Variants in CUBN observed in about 807,000 individuals in gnomAD.
CUBN encodes 460 kDa receptor.
CUBN carries 282 observed loss-of-function variants against 405.3 expected under a neutral mutation model. That is an observed-to-expected ratio of 0.70 (90% CI 0.63 to 0.77). CUBN has a LOEUF of 0.77. CUBN is among the 30% of genes least tolerant of loss of function. The pLI is 0.00. For synonymous variants in CUBN, 1,684 were observed against 1,617.0 expected (o/e 1.04, Z -0.99); for missense variants, 4,514 against 4,475.2 (o/e 1.01, Z -0.25).
chr10:16,910,037 A>G (rs1291657318), intron 48 of CUBN, among the ~76,000 whole-genome samples: 2 of 148,870 alleles, frequency 1.3e-5, no homozygotes, highest in African/African-American at 2.5e-5. Context: ...TTTCTTCTTC[A>G]CTCTTTTCTT....
chr10:17,110,786 G>T (rs1039184998), intron 9 of CUBN, 133 bp downstream of exon 9: 1 of 1,343,330 alleles, frequency 7.4e-7, no homozygotes, highest in Non-Finnish European at 1.1e-6. Context: ...GCCTCCCAAA[G>T]TGCTGGGATT....
intron 45 of CUBN, 125 bp from the exon 46 acceptor site, chr10:16,916,155 C>T: frequency 1.2e-6 from 1 of 837,850 alleles, no homozygotes; most frequent in Non-Finnish European, 1.9e-6. Context: ...CCAAGTGACT[C>T]TGAATTGAAG....
Position 17,129,209 on chromosome 10 carries a change from G to A in CUBN, c.164C>T (p.Thr55Met), listed in dbSNP as rs774556167. Residue 55 changes from threonine (T) to methionine (M), a missense_variant, in exon 2 of 67, where the codon ACG becomes ATG. Thr to Met is a moderately conservative substitution (Grantham distance 81). Around this residue, in one of 5 missense-constraint regions of CUBN, gnomAD observed 1,448 missense variants for 1,388.0 expected, o/e 1.04. Coordinates refer to ENST00000377833, the MANE Select transcript of CUBN (RefSeq NM_001081.4). ...ATERGNLVFLTGSAQNIEFRT... is the reference protein window; with the variant it reads ...ATERGNLVFLMGSAQNIEFRT... ...AAACTCAATGTTTTGAGCAGACCCC[G>A]TAAGAAACACCAAATTTCCTCTCTC... 29 of 1,613,422 alleles carry A rather than the reference G, an allele frequency of 1.8e-5. No individual in the cohort carries two copies. The highest frequency in any genetic ancestry group is 1.6e-4 in the Middle Eastern group (1 of 6,084).
At chr10:16,932,154 T>C (rs1261712315) in intron 40 of CUBN, among the ~76,000 whole-genome samples, 7 of 152,182 alleles carry the variant, frequency 4.6e-5, no homozygotes, top group Non-Finnish European at 8.8e-5. Flanking sequence ...CTCTACTTAG[T>C]GTTCTGCCTC....
At chr10:16,856,010 C>A (rs927598546) in intron 59 of CUBN, among the ~76,000 whole-genome samples, 1 of 152,034 alleles carries the variant, frequency 6.6e-6, no homozygotes, top group Non-Finnish European at 1.5e-5. Flanking sequence ...GGGTTCTTTC[C>A]CAAAAGGAGC....
At position 16,875,822 on chromosome 10, in the gene CUBN, G is replaced by T. The variant is rs940321006; in HGVS notation, c.9106+1075C>A. 2.0e-5 allele frequency among the ~76,000 whole-genome samples: 3 copies of T among 152,352 alleles called. No homozygotes were observed. In the East Asian group the frequency reaches 5.8e-4, roughly 29 times the overall value. The stretch of plus-strand genomic sequence containing the variant: ...TTGTAGGAAAATGAGAGATTAAAGA[G>T]AAGAAGAATATAAAGCAGGAGTTTA... On this transcript the variant is annotated intron_variant, in intron 57 of 66. Coordinates refer to ENST00000377833, the MANE Select transcript of CUBN (RefSeq NM_001081.4).
intron 65 of CUBN, among the ~76,000 whole-genome samples, chr10:16,829,386 A>C (rs2131300851): frequency 6.6e-6 from 1 of 151,418 alleles, no homozygotes; most frequent in African/African-American, 2.4e-5. Context: ...CTGTGGGAGA[A>C]AATCAAGTTG....
At chr10:16,986,428 T>C (rs1833427761) in intron 29 of CUBN, among the ~76,000 whole-genome samples, 1 of 152,066 alleles carries the variant, frequency 6.6e-6, no homozygotes, top group South Asian at 2.1e-4. Flanking sequence ...GGGAGGAGTG[T>C]GTGATTTGAA....
intron 22 of CUBN, among the ~76,000 whole-genome samples, chr10:17,050,213 A>T (rs1429737163): frequency 6.6e-6 from 1 of 152,046 alleles, no homozygotes; most frequent in African/African-American, 2.4e-5. Context: ...TTTTAATTCC[A>T]GCTATGACAA....
At chr10:17,028,967 A>G (rs1325020126) in intron 27 of CUBN, among the ~76,000 whole-genome samples, 1 of 152,218 alleles carries the variant, frequency 6.6e-6, no homozygotes, top group African/African-American at 2.4e-5. Context: ...TGATAGTGGA[A>G]GAGACCTTTC....
At chr10:16,970,190 C>T (rs185886619) in intron 31 of CUBN, among the ~76,000 whole-genome samples, 1 of 152,358 alleles carries the variant, frequency 6.6e-6, no homozygotes, top group East Asian at 1.9e-4. Flanking sequence ...GACTTCAAAG[C>T]AAGGACACTT....
At chr10:16,902,245 T>C (rs986224359) in intron 51 of CUBN, among the ~76,000 whole-genome samples, 2 of 138,266 alleles carry the variant, frequency 1.4e-5, no homozygotes, top group Non-Finnish European at 3.1e-5. Context: ...ATACTATATA[T>C]ATTTGTATAT....
chr10:16,843,760 C>T (rs907944321), intron 60 of CUBN, among the ~76,000 whole-genome samples: 1 of 152,144 alleles, frequency 6.6e-6, no homozygotes, highest in Admixed American at 6.5e-5. Flanking sequence ...AAGACCCCTT[C>T]ATGAACAAAG....
At position 17,091,685 on chromosome 10, in the gene CUBN, G is replaced by T. The variant is rs561267963; in HGVS notation, c.1766-3340C>A. 1.4e-4 allele frequency among the ~76,000 whole-genome samples: 21 copies of T among 152,200 alleles called. No individual in the cohort carries two copies. In the East Asian group the frequency reaches 4.1e-3, roughly 29 times the overall value. On this transcript the variant is annotated intron_variant, in intron 14 of 66. Transcript: ENST00000377833. ...CAACCTGAGGAGATCAGAACACTCT[G>T]ACCAATGTTAACTTCATAATAGAAA... is the stretch of plus-strand genomic sequence containing the variant.
intron 28 of CUBN, among the ~76,000 whole-genome samples, chr10:16,991,298 G>A (rs1207746247): frequency 2.6e-5 from 4 of 152,188 alleles, no homozygotes; most frequent in Non-Finnish European, 5.9e-5. Flanking sequence ...CATGAGGTAG[G>A]TACTGTTAGG....
At chr10:17,118,180 G>C (rs1473243818) in intron 6 of CUBN, among the ~76,000 whole-genome samples, 2 of 152,088 alleles carry the variant, frequency 1.3e-5, no homozygotes, top group African/African-American at 4.8e-5. Flanking sequence ...CTTAAGTTTA[G>C]ATGATGTGAG....
chr10:16,833,855 T>C (rs1839086837), intron 64 of CUBN, among the ~76,000 whole-genome samples: 1 of 151,970 alleles, frequency 6.6e-6, no homozygotes, highest in South Asian at 2.1e-4. Context: ...TTATTTTGAA[T>C]GAAGACCTGA....
intron 22 of CUBN, among the ~76,000 whole-genome samples, chr10:17,055,333 C>T (rs947307380): frequency 5.3e-5 from 8 of 152,110 alleles, no homozygotes; most frequent in Admixed American, 3.3e-4. Flanking sequence ...AAGGACTAAA[C>T]GCTTTCCTGT....
chr10:17,049,285 T>G (rs186900257), intron 22 of CUBN, among the ~76,000 whole-genome samples: 2 of 152,186 alleles, frequency 1.3e-5, no homozygotes, highest in Non-Finnish European at 2.9e-5. Flanking sequence ...TATCCCTGAG[T>G]TGACAGAACA....
Sources: gnomAD v4.1 joint callset for allele counts (sites outside exome capture counted in the v4.1 genomes callset) on GRCh38, gnomAD v4.1.1 for gene constraint, gnomAD v4.1.1 regional missense constraint, MANE v1.5 for transcripts, NCBI Gene and HGNC (gene_info 2026-07-23, HGNC 2026-07-21) for gene names.